RIMKLA: variants seen among roughly 807,000 people sequenced by gnomAD.
RIMKLA encodes the protein N-acetylaspartylglutamate synthase A.
Under a neutral mutation model 32.7 loss-of-function variants are expected in RIMKLA, and 14 were observed. The ratio of observed to expected loss-of-function variants is 0.43; its 90% CI spans 0.28 to 0.67. The LOEUF (loss-of-function observed/expected upper bound fraction) is 0.67. Ranked by LOEUF, RIMKLA falls within the 30% of genes least tolerant of loss-of-function variation. The pLI is 0.18. For missense variants in RIMKLA, 410 were observed against 519.0 expected (o/e 0.79, Z 2.04); for synonymous variants, 176 against 204.1 (o/e 0.86, Z 1.18).
Position 42,420,287 on chromosome 1 carries a change from C to T in RIMKLA, c.*5313C>T, listed in dbSNP as rs1254572507. On this transcript the variant is annotated 3_prime_UTR_variant, in exon 5 of 5. Coordinates refer to ENST00000431473, the MANE Select transcript of RIMKLA (RefSeq NM_173642.4). ...TGAGACATGAAGCTCAGTTTCCTCG[C>T]CCATTTCCACATAGCAAAATTCAAG... 6.6e-6 allele frequency: 1 copy of T among 152,238 alleles called. No individual in the cohort carries two copies. Among genetic ancestry groups the T allele is most frequent in the African/African-American group, 2.4e-5 (1 of 41,448 alleles). 9.4% of individuals were successfully genotyped at this position (152,238 alleles called of 1,614,324 possible). A position where few individuals can be genotyped will look rare whatever the true frequency, so the allele number is the denominator to read the frequency against.
At chr1:42,412,416 G>T (rs993511773) in intron 4 of RIMKLA, 5 of 268,884 alleles carry the variant, frequency 1.9e-5, no homozygotes, top group African/African-American at 9.2e-5. Context: ...ATAATCCCAG[G>T]ATTTTCCCAC....
chr1:42,406,944 T>C (rs1449496825), intron 3 of RIMKLA, among the ~76,000 whole-genome samples: 1 of 151,940 alleles, frequency 6.6e-6, no homozygotes, highest in Non-Finnish European at 1.5e-5. Context: ...TTTTGAGATA[T>C]GCTCTCGCTG....
At chr1:42,382,819 G>A (rs1198088271) in intron 1 of RIMKLA, among the ~76,000 whole-genome samples, 1 of 152,026 alleles carries the variant, frequency 6.6e-6, no homozygotes, top group Non-Finnish European at 1.5e-5. Flanking sequence ...TAGAATTCAT[G>A]TGTGAAAATA....
At chr1:42,396,723 T>TA (rs1319499423) in intron 1 of RIMKLA, among the ~76,000 whole-genome samples, 14 of 152,100 alleles carry the variant, frequency 9.2e-5, no homozygotes, top group Non-Finnish European at 1.8e-4. Context: ...TGTGAGGTGG[T>TA]AAAAATCTCC....
In RIMKLA at chr1:42,416,507, A is replaced by G. The variant is rs911055324; in HGVS notation, c.*1533A>G. 6.9e-6 allele frequency: 1 copy of G among 145,058 alleles called. No individual in the cohort carries two copies. The highest frequency in any genetic ancestry group is 2.0e-4 in the East Asian group (1 of 4,902). The allele number at this position is 145,058 out of a possible 1,614,324, so 9.0% of individuals were successfully genotyped here. A position where few individuals can be genotyped will look rare whatever the true frequency, so the allele number is the denominator to read the frequency against. On this transcript the variant is annotated 3_prime_UTR_variant, in exon 5 of 5. Coordinates refer to ENST00000431473, the MANE Select transcript of RIMKLA (RefSeq NM_173642.4). The stretch of plus-strand genomic sequence containing the variant: ...GCTCTTTAGCTGTTAAAAAAAAAAA[A>G]TCATTCCTCAAAAAATAGATCTACC...
At chr1:42,411,271 GCT>G (rs1393010685) in intron 4 of RIMKLA, among the ~76,000 whole-genome samples, 1 of 151,410 alleles carries the variant, frequency 6.6e-6, no homozygotes, top group African/African-American at 2.4e-5. Flanking sequence ...GGAGTTTGAG[GCT>G]GCAGTGAGCT....
In RIMKLA at chr1:42,412,724, C is replaced by A. The variant is rs1031738700; in HGVS notation, c.686-1760C>A. 17 of 396,060 alleles carry A rather than the reference C, an allele frequency of 4.3e-5. No homozygotes were observed. In the Admixed American group the frequency reaches 4.8e-4, roughly 11 times the overall value. The allele number at this position is 396,060 out of a possible 1,614,324, so 24.5% of individuals were successfully genotyped here. On this transcript the variant is annotated intron_variant, in intron 4 of 4. Transcript: ENST00000431473. ...ACTTTGGAGCATGGCCTAATAAGAACCTGGCGTTTGCCTCTTTTTGGCTTT... is the reference window on the plus strand; with the variant it reads ...ACTTTGGAGCATGGCCTAATAAGAAACTGGCGTTTGCCTCTTTTTGGCTTT...
chr1:42,381,871 C>A (rs920499221), intron 1 of RIMKLA, among the ~76,000 whole-genome samples: 2 of 152,044 alleles, frequency 1.3e-5, no homozygotes, highest in African/African-American at 4.8e-5. Context: ...TTTAGGAATC[C>A]CTGACGCAGA....
At chr1:42,381,412 A>G (rs1003709930) in intron 1 of RIMKLA, among the ~76,000 whole-genome samples, 7 of 152,114 alleles carry the variant, frequency 4.6e-5, no homozygotes, top group Non-Finnish European at 7.4e-5. Flanking sequence ...TAAACCCCAC[A>G]TTTGCAAATC....
intron 1 of RIMKLA, among the ~76,000 whole-genome samples, chr1:42,384,222 G>A (rs986049959): frequency 1.3e-5 from 2 of 152,218 alleles, no homozygotes; most frequent in African/African-American, 4.8e-5. Context: ...TTTTAATCTA[G>A]CAATCTGAGT....
At chr1:42,413,198 G>A (rs891781072) in intron 4 of RIMKLA, among the ~76,000 whole-genome samples, 2 of 146,686 alleles carry the variant, frequency 1.4e-5, no homozygotes, top group African/African-American at 2.5e-5. Context: ...TACATTCTCA[G>A]TGTAGAAAAT....
At chr1:42,407,080 A>C (rs1235856587) in intron 3 of RIMKLA, among the ~76,000 whole-genome samples, 1 of 151,808 alleles carries the variant, frequency 6.6e-6, no homozygotes, top group Non-Finnish European at 1.5e-5. Flanking sequence ...TGATTTTTGC[A>C]TTTTTTATAG....
chr1:42,386,744 G>T lies in RIMKLA; in HGVS notation c.163+5647G>T, dbSNP rs190902015. Among the ~76,000 whole-genome samples, 88 of 151,550 alleles carry T rather than the reference G, an allele frequency of 5.8e-4. No homozygotes were observed. The East Asian group carries it at 0.017, about 29-fold the overall frequency. On this transcript the variant is annotated intron_variant, in intron 1 of 4. Transcript: ENST00000431473. ...AAAAAAAAATACAAAAATTACCCAG[G>T]CTTGGTGGCATGCACCTGTAAATCC...
intron 2 of RIMKLA, among the ~76,000 whole-genome samples, chr1:42,400,423 A>G (rs973476906): frequency 1.3e-5 from 2 of 152,226 alleles, no homozygotes; most frequent in African/African-American, 4.8e-5. Context: ...CAGGACAAGT[A>G]GTGGTAGGTT....
intron 3 of RIMKLA, among the ~76,000 whole-genome samples, chr1:42,409,073 G>A (rs113187436): frequency 0.18 from 26,894 of 151,260 alleles, 2,484 homozygotes; most frequent in East Asian, 0.22. Context: ...CTAGGCATGC[G>A]TGCCTGTAAT....
In RIMKLA at chr1:42,423,263, A is replaced by G. The variant is rs1008078492; in HGVS notation, c.*8289A>G. Among the ~76,000 whole-genome samples, 1 of 152,162 alleles carries G rather than the reference A, an allele frequency of 6.6e-6. No individual in the cohort carries two copies. Among genetic ancestry groups the G allele is most frequent in the Admixed American group, 6.5e-5 (1 of 15,270 alleles). ...TATGTACCATTCATATTGTCCTTGA[A>G]CCCAAACACTGGGGAATGTGGCCTA... On this transcript the variant is annotated 3_prime_UTR_variant, in exon 5 of 5. Coordinates refer to ENST00000431473, the MANE Select transcript of RIMKLA (RefSeq NM_173642.4).
intron 1 of RIMKLA, among the ~76,000 whole-genome samples, chr1:42,398,906 G>T (rs550779315): frequency 5.4e-5 from 8 of 147,364 alleles, no homozygotes; most frequent in Non-Finnish European, 8.9e-5. Context: ...GGCAGAGGTC[G>T]CAGTGAGCCA....
In RIMKLA at chr1:42,416,061, T is replaced by A. The variant is rs1643243929; in HGVS notation, c.*1087T>A. On this transcript the variant is annotated 3_prime_UTR_variant, in exon 5 of 5. Transcript: ENST00000431473. ...TTTCCAAACGGGGAAGACTCAGGTA[T>A]CAGGAATTACCCATTGCACATTTTG... The A allele has an allele frequency of 7.7e-6, 1 of 130,696 alleles. No individual in the cohort carries two copies. Among genetic ancestry groups the A allele is most frequent in the African/African-American group, 2.8e-5 (1 of 35,876 alleles). The allele number at this position is 130,696 out of a possible 1,614,324, so 8.1% of individuals were successfully genotyped here. A position where few individuals can be genotyped will look rare whatever the true frequency, so the allele number is the denominator to read the frequency against.
intron 1 of RIMKLA, among the ~76,000 whole-genome samples, chr1:42,386,203 G>A (rs1442804459): frequency 2.0e-5 from 3 of 151,862 alleles, no homozygotes; most frequent in African/African-American, 7.3e-5. Context: ...TATTACGGGC[G>A]TGAGCCACCG....
Sources: gnomAD v4.1 joint callset for allele counts (sites outside exome capture counted in the v4.1 genomes callset) on GRCh38, gnomAD v4.1.1 for gene constraint, MANE v1.5 for transcripts, NCBI Gene and HGNC (gene_info 2026-07-23, HGNC 2026-07-21) for gene names.